CEP44: variants seen among roughly 807,000 people sequenced by gnomAD.
The protein encoded by CEP44 is centrosomal protein of 44 kDa.
A neutral mutation model predicts 46.7 loss-of-function variants in CEP44; 45 were observed. The ratio of observed to expected loss-of-function variants is 0.96; its 90% confidence interval spans 0.76 to 1.24. The LOEUF is 1.24. Among genes scored for constraint, CEP44 ranks in the 50% most tolerant of loss-of-function variants. CEP44 has a pLI of 0.00. For synonymous variants in CEP44, 142 were observed against 146.0 expected (o/e 0.97, Z 0.20); for missense variants, 475 against 459.7 (o/e 1.03, Z -0.30).
At chr4:174,304,222 T>C (rs751039614) in intron 5 of CEP44, 25 bp from the exon 6 acceptor site, 9 of 1,565,216 alleles carry the variant, frequency 5.8e-6, no homozygotes, top group Non-Finnish European at 7.7e-6. Flanking sequence ...AAATTTGTTA[T>C]TTTGACTAAT....
At chr4:174,300,930 A>G (rs575393837) in intron 3 of CEP44, among the ~76,000 whole-genome samples, 2 of 152,150 alleles carry the variant, frequency 1.3e-5, no homozygotes, top group Non-Finnish European at 2.9e-5. Context: ...TAAAATGGAC[A>G]GATTTTGCTG....
Position 174,318,083 on chromosome 4 carries a change from G to A in CEP44, c.*700G>A. 1 of 984,776 alleles carries A rather than the reference G, an allele frequency of 1.0e-6. No homozygotes were observed. Among genetic ancestry groups the A allele is most frequent in the Non-Finnish European group, 1.2e-6 (1 of 829,398 alleles). 61.0% of individuals were successfully genotyped at this position (984,776 alleles called of 1,614,324 possible). A position where few individuals can be genotyped will look rare whatever the true frequency, so the allele number is the denominator to read the frequency against. ...ATTGTATAATTTTTTTGGAGGGGGG[G>A]ATGGAGTTTCGCTGTTGTTGCCCAG... On this transcript the variant is annotated 3_prime_UTR_variant, in exon 12 of 12. Transcript: ENST00000503780.
intron 9 of CEP44, among the ~76,000 whole-genome samples, chr4:174,313,274 G>A (rs978144708): frequency 3.9e-5 from 6 of 151,926 alleles, no homozygotes; most frequent in Admixed American, 2.0e-4. Flanking sequence ...TTCATTAGAG[G>A]GTACAGTAGT....
intron 9 of CEP44, among the ~76,000 whole-genome samples, chr4:174,313,872 G>A (rs934561187): frequency 3.3e-5 from 5 of 152,230 alleles, no homozygotes; most frequent in African/African-American, 4.8e-5. Context: ...AAAAATTCAG[G>A]AAGAGGAGAA....
Position 174,331,460 on chromosome 4 carries a change from T to G in CEP44, c.1087-22T>G. On this transcript the variant is annotated intron_variant, in intron 8 of 8. Transcript: ENST00000426172. The surrounding 1 kb of genome is among the most constrained non-coding windows in gnomAD (Gnocchi z 4.5). ...TGCATTTAGATCATATTTTAATGTATAATTTTGTGTTTCCTTTCTAGAATT... is the reference window on the plus strand; with the variant it reads ...TGCATTTAGATCATATTTTAATGTAGAATTTTGTGTTTCCTTTCTAGAATT... The G allele has an allele frequency of 1.3e-6, 2 of 1,550,832 alleles. No individual in the cohort carries two copies. Among genetic ancestry groups the G allele is most frequent in the East Asian group, 4.9e-5 (2 of 40,914 alleles).
rs913044663 is a variant in CEP44, at chr4:174,288,925, A to G, written c.-148+4982A>G. ...TTGTTTTTCCTTTACCTAATTTGCTATAAGGTTCTTCCATACCTAGTTTAT... is the reference window on the plus strand; with the variant it reads ...TTGTTTTTCCTTTACCTAATTTGCTGTAAGGTTCTTCCATACCTAGTTTAT... On this transcript the variant is annotated intron_variant, in intron 1 of 11. Transcript: ENST00000503780. The surrounding 1 kb of genome is among the most constrained non-coding windows in gnomAD (Gnocchi z 4.6). Among the ~76,000 whole-genome samples the G allele has an allele frequency of 2.6e-5, 4 of 152,148 alleles. No individual in the cohort carries two copies. The highest frequency in any genetic ancestry group is 9.7e-5 in the African/African-American group (4 of 41,434).
Position 174,314,565 on chromosome 4 carries a change from C to T in CEP44, c.962-1601C>T, listed in dbSNP as rs1415099565. ...AGGTTAGACACCGCAAAGTCTGGAC[C>T]CCAAAATGGAAGACAAAGAGAGCCA... On this transcript the variant is annotated intron_variant, in intron 9 of 11. Coordinates refer to ENST00000503780, the MANE Select transcript of CEP44 (RefSeq NM_001040157.3). This position sits in a 1 kb window ranked among gnomAD's most constrained non-coding sequence, Gnocchi z 4.1. Among the ~76,000 whole-genome samples, 3 of 152,058 alleles carry T rather than the reference C, an allele frequency of 2.0e-5. No individual in the cohort carries two copies. The highest frequency in any genetic ancestry group is 7.2e-5 in the African/African-American group (3 of 41,394).
In CEP44 at chr4:174,298,271, G is replaced by T. The variant is rs1402593545; in HGVS notation, c.-51+209G>T. ...GCTCACTGCAAGCTCCGCCTCCCGG[G>T]TTCACGCCATTCTCCTGCCTCAGCC... On this transcript the variant is annotated intron_variant, in intron 2 of 11. Coordinates refer to ENST00000503780, the MANE Select transcript of CEP44 (RefSeq NM_001040157.3). 2.0e-5 allele frequency among the ~76,000 whole-genome samples: 3 copies of T among 147,364 alleles called. No individual in the cohort carries two copies. In the Admixed American group the frequency reaches 2.0e-4, roughly 10 times the overall value.
At chr4:174,299,569 A>G (rs772924366) in intron 3 of CEP44, among the ~76,000 whole-genome samples, 1 of 152,220 alleles carries the variant, frequency 6.6e-6, no homozygotes, top group Non-Finnish European at 1.5e-5. Flanking sequence ...AAATATATCC[A>G]GAATAAGAAG....
rs1179032789 is a variant in CEP44, at chr4:174,318,412, G to GT, written c.*1036dup. ...GATACACAGTGAGGTGTTGTGTTTT[G>GT]TTTTTTTAATGATGAAAAGTTACAC... On this transcript the variant is annotated 3_prime_UTR_variant, in exon 12 of 12. Coordinates refer to ENST00000503780, the MANE Select transcript of CEP44 (RefSeq NM_001040157.3). 3.0e-6 allele frequency: 3 copies of GT among 984,866 alleles called. No individual in the cohort carries two copies. The highest frequency in any genetic ancestry group is 3.6e-6 in the Non-Finnish European group (3 of 829,664). 61.0% of individuals were successfully genotyped at this position (984,866 alleles called of 1,614,324 possible).
intron 1 of CEP44, among the ~76,000 whole-genome samples, chr4:174,295,720 C>T (rs1381845132): frequency 1.3e-5 from 2 of 152,212 alleles, no homozygotes; most frequent in Non-Finnish European, 2.9e-5. Flanking sequence ...GTGAACCAGA[C>T]TCCGTCTGCA....
Position 174,290,682 on chromosome 4 carries a change from A to G in CEP44, c.-148+6739A>G, listed in dbSNP as rs1738097449. Among the ~76,000 whole-genome samples the G allele has an allele frequency of 1.3e-5, 2 of 152,068 alleles. No individual in the cohort carries two copies. The highest frequency in any genetic ancestry group is 2.9e-5 in the Non-Finnish European group (2 of 68,006). ...GTATTGATATCTATTTCTTCCTCCA[A>G]TTCTATCAATATTTGCTGTTGGCAT... On this transcript the variant is annotated intron_variant, in intron 1 of 11. Coordinates refer to ENST00000503780, the MANE Select transcript of CEP44 (RefSeq NM_001040157.3). This position sits in a 1 kb window ranked among gnomAD's most constrained non-coding sequence, Gnocchi z 4.3.
In CEP44 at chr4:174,286,100, C is replaced by G. The variant is rs2126478455; in HGVS notation, c.-148+2157C>G. 6.6e-6 allele frequency among the ~76,000 whole-genome samples: 1 copy of G among 152,254 alleles called. No homozygotes were observed. Among genetic ancestry groups the G allele is most frequent in the East Asian group, 1.9e-4 (1 of 5,180 alleles). On this transcript the variant is annotated intron_variant, in intron 1 of 11. Transcript: ENST00000503780. The surrounding 1 kb of genome is among the most constrained non-coding windows in gnomAD (Gnocchi z 5.2). ...GTGACTAAAATGTGCATGCACAAGT[C>G]TATAAAGTATATTCAATAAGCTGTT...
intron 1 of CEP44, among the ~76,000 whole-genome samples, chr4:174,294,314 A>G (rs1287002963): frequency 1.3e-5 from 2 of 151,806 alleles, no homozygotes; most frequent in African/African-American, 2.4e-5. Context: ...AATCCATTTA[A>G]CCCTGAGTGG....
Position 174,284,243 on chromosome 4 carries a change from C to T in CEP44, c.-148+300C>T, listed in dbSNP as rs569056723. On this transcript the variant is annotated intron_variant, in intron 1 of 11. Coordinates refer to ENST00000503780, the MANE Select transcript of CEP44 (RefSeq NM_001040157.3). ...CCGGGCGGAGACGAATGACCAGATC[C>T]GCCTTTTCATTCTTTTAAATCAAAT... 1.3e-5 allele frequency: 5 copies of T among 396,788 alleles called. No individual in the cohort carries two copies. In the Admixed American group the frequency reaches 2.2e-4, roughly 17 times the overall value. 24.6% of individuals were successfully genotyped at this position (396,788 alleles called of 1,614,324 possible). A position where few individuals can be genotyped will look rare whatever the true frequency, so the allele number is the denominator to read the frequency against.
chr4:174,322,832 G>A (rs925232637), downstream of CEP44, among the ~76,000 whole-genome samples: 1 of 152,010 alleles, frequency 6.6e-6, no homozygotes, highest in Non-Finnish European at 1.5e-5. Flanking sequence ...CTACATTTCT[G>A]TATTTGGTCA....
chr4:174,313,785 G>C (rs1741361820), intron 9 of CEP44, among the ~76,000 whole-genome samples: 1 of 152,160 alleles, frequency 6.6e-6, no homozygotes, highest in Non-Finnish European at 1.5e-5. Context: ...GGGTGAAGGA[G>C]AGTAAGGAAG....
chr4:174,316,117 G>A, intron 9 of CEP44, 49 bp from the exon 10 acceptor site: 1 of 1,586,332 alleles, frequency 6.3e-7, no homozygotes, highest in Non-Finnish European at 8.5e-7. Context: ...TTAGATATTT[G>A]ACTCTTCTGT....
chr4:174,299,070 A>G lies in CEP44; in HGVS notation c.-50-2A>G. The stretch of plus-strand genomic sequence containing the variant: ...CAGTATTTCATGGATTTCTATTTTC[A>G]GGTGAAAAATTAGACGATTTCAAGA... On this transcript the variant is annotated splice_acceptor_variant, in intron 2 of 11. Coordinates refer to ENST00000503780, the MANE Select transcript of CEP44 (RefSeq NM_001040157.3). LOFTEE classifies it low-confidence loss of function (5UTR_SPLICE). 1 of 1,477,118 alleles carries G rather than the reference A, an allele frequency of 6.8e-7. No homozygotes were observed. The highest frequency in any genetic ancestry group is 1.2e-5 in the South Asian group (1 of 85,482). The allele number at this position is 1,477,118 out of a possible 1,614,324, so 91.5% of individuals were successfully genotyped here. A position where few individuals can be genotyped will look rare whatever the true frequency, so the allele number is the denominator to read the frequency against.
Sources: gnomAD v4.1 joint callset for allele counts (sites outside exome capture counted in the v4.1 genomes callset) on GRCh38, gnomAD v4.1.1 for gene constraint, Gnocchi (gnomAD v3.1) non-coding constraint, MANE v1.5 for transcripts, NCBI Gene and HGNC (gene_info 2026-07-23, HGNC 2026-07-21) for gene names.